Variants in SPATA6 observed in about 807,000 individuals in gnomAD.
The protein encoded by SPATA6 is spermatogenesis associated 6.
SPATA6 carries 56 observed loss-of-function variants against 65.3 expected under a neutral mutation model. The observed-to-expected ratio is 0.86, with a 90% CI of 0.69 to 1.07. The LOEUF (loss-of-function observed/expected upper bound fraction) is 1.07. SPATA6 is among the 50% of genes least tolerant of loss of function. The pLI, the probability that SPATA6 is intolerant of heterozygous loss-of-function variation, is 0.00. For missense variants in SPATA6, 590 were observed against 594.8 expected, an observed-to-expected ratio of 0.99 and a Z score of 0.08; for synonymous variants, 199 against 213.2, an observed-to-expected ratio of 0.93 and a Z score of 0.58.
chr1:48,389,976 C>T (rs1649881481), intron 8 of SPATA6, among the ~76,000 whole-genome samples: 1 of 151,964 alleles, frequency 6.6e-6, no homozygotes, highest in South Asian at 2.1e-4. Context: ...AGAAAAACAC[C>T]AGAAAATAAC....
intron 1 of SPATA6, among the ~76,000 whole-genome samples, chr1:48,459,164 C>G (rs539132270): frequency 1.1e-3 from 155 of 135,218 alleles, no homozygotes; most frequent in African/African-American, 4.3e-3. Context: ...AAGATCGCAC[C>G]ACTGCACACC....
At chr1:48,454,553 G>C (rs1337544613) in intron 1 of SPATA6, among the ~76,000 whole-genome samples, 2 of 152,022 alleles carry the variant, frequency 1.3e-5, no homozygotes, top group Non-Finnish European at 2.9e-5. Flanking sequence ...AATTTCTGTA[G>C]CATTTTGTAA....
chr1:48,385,217 T>A, intron 9 of SPATA6, 92 bp downstream of exon 9: 2 of 1,073,462 alleles, frequency 1.9e-6, no homozygotes, highest in Non-Finnish European at 2.5e-6. Context: ...ATGAATTTGA[T>A]AATCCCTATC....
At chr1:48,322,041 C>T (rs761115463) in intron 11 of SPATA6, among the ~76,000 whole-genome samples, 25 of 151,664 alleles carry the variant, frequency 1.6e-4, no homozygotes, top group Non-Finnish European at 2.4e-4. Flanking sequence ...TAGCAGTAAG[C>T]GCCTACATTT....
Position 48,472,078 on chromosome 1 carries a change from G to C in SPATA6, c.-70C>G. On this transcript the variant is annotated 5_prime_UTR_variant, in exon 1 of 13. Transcript: ENST00000371847. ...GAGTGAGGCGGGGAGACCTGGGGCT[G>C]GGCGGGGACGGGGAGGAGACGAGGT... The C allele has an allele frequency of 8.2e-7, 1 of 1,213,122 alleles. No homozygotes were observed. Among genetic ancestry groups the C allele is most frequent in the South Asian group, 1.6e-5 (1 of 62,600 alleles). The allele number at this position is 1,213,122 out of a possible 1,614,324, so 75.1% of individuals were successfully genotyped here. A position where few individuals can be genotyped will look rare whatever the true frequency, so the allele number is the denominator to read the frequency against.
At chr1:48,366,433 C>T (rs1647015071) in intron 9 of SPATA6, among the ~76,000 whole-genome samples, 1 of 152,198 alleles carries the variant, frequency 6.6e-6, no homozygotes, top group African/African-American at 2.4e-5. Flanking sequence ...GTCATGGACT[C>T]TCTTTGGTTG....
In SPATA6 at chr1:48,451,455, C is replaced by A. The variant is rs2148152373; in HGVS notation, c.238+97G>T. The A allele has an allele frequency of 8.5e-6, 9 of 1,057,178 alleles. No individual in the cohort carries two copies. The South Asian group carries it at 1.3e-4, about 15-fold the overall frequency. 65.5% of individuals were successfully genotyped at this position (1,057,178 alleles called of 1,614,324 possible). A position where few individuals can be genotyped will look rare whatever the true frequency, so the allele number is the denominator to read the frequency against. On this transcript the variant is annotated intron_variant, in intron 3 of 12. Transcript: ENST00000371847. ...TCAAGATTTTTAAAGTTCTACTAAC[C>A]CCTTTTAAACTTTTATTTAACCCAA...
chr1:48,451,134 C>T (rs1305220399), intron 3 of SPATA6, among the ~76,000 whole-genome samples: 2 of 152,120 alleles, frequency 1.3e-5, no homozygotes, highest in East Asian at 3.8e-4. Flanking sequence ...AGTGCAAAAG[C>T]ATATATTTTA....
chr1:48,379,103 T>C (rs568848132), intron 9 of SPATA6, among the ~76,000 whole-genome samples: 2 of 152,326 alleles, frequency 1.3e-5, no homozygotes, highest in East Asian at 1.9e-4. Context: ...AGAGGTTTAA[T>C]TGACTCACAG....
intron 12 of SPATA6, among the ~76,000 whole-genome samples, chr1:48,301,546 CAA>C (rs879317585): frequency 4.7e-5 from 7 of 147,432 alleles, no homozygotes; most frequent in African/African-American, 5.0e-5. Flanking sequence ...CACACACACA[CAA>C]AAAAAAAAAC....
chr1:48,459,230 G>T (rs569755253), intron 1 of SPATA6, among the ~76,000 whole-genome samples: 2 of 141,702 alleles, frequency 1.4e-5, no homozygotes, highest in Non-Finnish European at 3.0e-5. Flanking sequence ...AAAAAAGAAC[G>T]TTTCATGGGA....
At chr1:48,463,896 G>A (rs2148193613) in intron 1 of SPATA6, among the ~76,000 whole-genome samples, 1 of 151,958 alleles carries the variant, frequency 6.6e-6, no homozygotes, top group South Asian at 2.1e-4. Flanking sequence ...TGTACATCCT[G>A]ACTTAAAAGA....
At chr1:48,286,922 C>T in the SPATA6 span, among the ~76,000 whole-genome samples, 1 of 151,756 alleles carries the variant, frequency 6.6e-6, no homozygotes, top group African/African-American at 2.4e-5. Context: ...ACCTGTAGTC[C>T]CAGCTACTTG....
At chr1:48,354,820 C>T (rs1342369625) in intron 11 of SPATA6, among the ~76,000 whole-genome samples, 3 of 152,060 alleles carry the variant, frequency 2.0e-5, no homozygotes, top group Non-Finnish European at 4.4e-5. Flanking sequence ...AGAACTGTTT[C>T]ATTTCTTGAT....
chr1:48,468,292 T>C (rs976594128), intron 1 of SPATA6, among the ~76,000 whole-genome samples: 2 of 152,236 alleles, frequency 1.3e-5, no homozygotes, highest in African/African-American at 2.4e-5. Context: ...TGGAGCCACA[T>C]AGTATGTGAT....
At chr1:48,471,842 T>C (rs1658279280) in intron 1 of SPATA6, 116 bp downstream of exon 1, 1 of 1,250,124 alleles carries the variant, frequency 8.0e-7, no homozygotes, top group African/African-American at 1.5e-5. Context: ...AGGTCGACGC[T>C]CCCTAGGGAT....
chr1:48,277,889 C>A, the SPATA6 span, among the ~76,000 whole-genome samples: 2 of 152,240 alleles, frequency 1.3e-5, no homozygotes, highest in Non-Finnish European at 2.9e-5. Context: ...CAAGTGGGTC[C>A]CTGACCACTG....
chr1:48,354,670 T>C (rs187265182), intron 11 of SPATA6, among the ~76,000 whole-genome samples: 20 of 152,164 alleles, frequency 1.3e-4, no homozygotes, highest in Non-Finnish European at 2.9e-5. Context: ...AAGTAGACAC[T>C]GTAGGATGTC....
intron 3 of SPATA6, among the ~76,000 whole-genome samples, chr1:48,448,259 TC>T (rs773042014): frequency 1.1e-4 from 11 of 96,990 alleles, no homozygotes; most frequent in Non-Finnish European, 1.4e-4. Flanking sequence ...AGATCCTGTC[TC>T]AAAAAAAAAA....
Sources: allele counts gnomAD v4.1 joint callset (sites outside exome capture counted in the v4.1 genomes callset), GRCh38; gene constraint gnomAD v4.1.1; transcripts MANE v1.5; gene names NCBI Gene and HGNC (gene_info 2026-07-23, HGNC 2026-07-21).